Variants in PTPRN2 observed in about 807,000 individuals in gnomAD.
The protein encoded by PTPRN2 is receptor-type tyrosine-protein phosphatase N2.
Under a neutral mutation model 118.8 loss-of-function variants are expected in PTPRN2, and 74 were observed. That is an observed-to-expected ratio of 0.62 (90% CI 0.52 to 0.76). The LOEUF (loss-of-function observed/expected upper bound fraction) is 0.76, where lower values mean the gene tolerates loss of function less well. Ranked by LOEUF, PTPRN2 falls within the 30% of genes least tolerant of loss-of-function variation. The pLI, the probability that PTPRN2 is intolerant of heterozygous loss-of-function variation, is 0.00. For synonymous variants in PTPRN2, 641 were observed against 608.0 expected (o/e 1.05, Z -0.80); for missense variants, 1,481 against 1,394.4 (o/e 1.06, Z -0.99).
At chr7:157,554,692 C>T (rs1169734038) in intron 21 of PTPRN2, among the ~76,000 whole-genome samples, 1 of 152,196 alleles carries the variant, frequency 6.6e-6, no homozygotes. Context: ...GAAAAGCCTG[C>T]AAACAGTCGA....
chr7:158,402,744 T>C (rs1813047018), intron 2 of PTPRN2, among the ~76,000 whole-genome samples: 1 of 152,116 alleles, frequency 6.6e-6, no homozygotes, highest in Non-Finnish European at 1.5e-5. Flanking sequence ...CCTAGAGGGA[T>C]CCAAGGGCCA....
intron 3 of PTPRN2, among the ~76,000 whole-genome samples, chr7:158,283,305 G>T (rs1476704779): frequency 1.3e-5 from 2 of 152,224 alleles, no homozygotes; most frequent in African/African-American, 4.8e-5. Flanking sequence ...CAGCTCCCCA[G>T]ACCCCCAAGA....
chr7:158,098,842 G>C (rs1210061509), intron 10 of PTPRN2, among the ~76,000 whole-genome samples: 1 of 152,004 alleles, frequency 6.6e-6, no homozygotes, highest in Admixed American at 6.5e-5. Context: ...TGGGGGACGG[G>C]GAACGGGGCC....
intron 12 of PTPRN2, among the ~76,000 whole-genome samples, chr7:157,766,353 T>TA (rs57202938): frequency 0.16 from 23,970 of 150,558 alleles, 2,529 homozygotes; most frequent in African/African-American, 0.28. Flanking sequence ...CCATCCATCA[T>TA]CCATCTACCC....
chr7:158,329,332 C>G (rs1009440490), intron 2 of PTPRN2, among the ~76,000 whole-genome samples: 1 of 152,318 alleles, frequency 6.6e-6, no homozygotes, highest in South Asian at 2.1e-4. Context: ...CCAGCACTTC[C>G]CAGCCTTTTA....
intron 1 of PTPRN2, among the ~76,000 whole-genome samples, chr7:158,572,368 C>T (rs1828088283): frequency 6.6e-6 from 1 of 152,202 alleles, no homozygotes; most frequent in South Asian, 2.1e-4. Context: ...GTTATGCTAC[C>T]TCCTCCAGAG....
chr7:157,578,929 G>C (rs1455547719), intron 17 of PTPRN2, among the ~76,000 whole-genome samples: 1 of 152,194 alleles, frequency 6.6e-6, no homozygotes, highest in Non-Finnish European at 1.5e-5. Context: ...GAGTGAAGAG[G>C]GGTCTGCTTT....
At chr7:157,882,275 G>C (rs748414021) in intron 12 of PTPRN2, among the ~76,000 whole-genome samples, 1 of 151,474 alleles carries the variant, frequency 6.6e-6, no homozygotes, top group Non-Finnish European at 1.5e-5. Flanking sequence ...AAAAATGACT[G>C]TCAGAGATCA....
intron 11 of PTPRN2, among the ~76,000 whole-genome samples, chr7:158,013,734 T>TCCCCCCCCCCCCCCCCCC (rs1806219777): frequency 1.3e-5 from 1 of 75,208 alleles, no homozygotes. Flanking sequence ...CACCCACTCA[T>TCCCCCCCCCCCCCCCCCC]CCACCCACCC....
chr7:157,960,222 G>C (rs1387004971), intron 11 of PTPRN2, among the ~76,000 whole-genome samples: 1 of 152,184 alleles, frequency 6.6e-6, no homozygotes, highest in Non-Finnish European at 1.5e-5. Context: ...GTTTCAGTTT[G>C]AGAAAATGAA....
At position 157,964,204 on chromosome 7, in the gene PTPRN2, C is replaced by T. The variant is rs897840662; in HGVS notation, c.1724-65467G>A. 3.3e-5 allele frequency among the ~76,000 whole-genome samples: 5 copies of T among 152,168 alleles called. No individual in the cohort carries two copies. Among genetic ancestry groups the T allele is most frequent in the East Asian group, 1.9e-4 (1 of 5,156 alleles). ...TGTTGAGTTCTGGTCCTGGTCCCAC[C>T]GACCTGGGCTGGAGCTCCCAGATGC... is the stretch of plus-strand genomic sequence containing the variant. On this transcript the variant is annotated intron_variant, in intron 11 of 22. Transcript: ENST00000389418. This position sits in a 1 kb window ranked among gnomAD's most constrained non-coding sequence, Gnocchi z 9.0.
chr7:158,278,244 C>T (rs1323602453), intron 3 of PTPRN2, among the ~76,000 whole-genome samples: 1 of 152,108 alleles, frequency 6.6e-6, no homozygotes, highest in African/African-American at 2.4e-5. Flanking sequence ...GCAGGGACCA[C>T]CCACCACCTG....
chr7:158,356,799 A>AG (rs397731775), intron 2 of PTPRN2, among the ~76,000 whole-genome samples: 1 of 151,698 alleles, frequency 6.6e-6, no homozygotes, highest in Non-Finnish European at 1.5e-5. Context: ...AAAAAAAAAA[A>AG]GTAGAAATAA....
intron 3 of PTPRN2, among the ~76,000 whole-genome samples, chr7:158,239,359 G>GCCCGGAGCTGGTAT (rs991193458): frequency 1.3e-5 from 2 of 152,184 alleles, no homozygotes; most frequent in East Asian, 1.9e-4. Context: ...CCAGCAAGGA[G>GCCCGGAGCTGGTAT]CCCGGAGCTG....
intron 12 of PTPRN2, among the ~76,000 whole-genome samples, chr7:157,791,461 G>GC (rs1668133324): frequency 6.6e-6 from 1 of 152,218 alleles, no homozygotes; most frequent in African/African-American, 2.4e-5. Context: ...GCAGGCGGAT[G>GC]CATGTATGTG....
At chr7:158,290,798 G>A (rs1800073355) in intron 3 of PTPRN2, among the ~76,000 whole-genome samples, 1 of 152,146 alleles carries the variant, frequency 6.6e-6, no homozygotes, top group Non-Finnish European at 1.5e-5. Flanking sequence ...CTCTCACCTG[G>A]TTTCCTTAGC....
chr7:158,566,459 C>T (rs1463895115), intron 1 of PTPRN2, among the ~76,000 whole-genome samples: 1 of 152,198 alleles, frequency 6.6e-6, no homozygotes, highest in African/African-American at 2.4e-5. Context: ...GGGAAACAGG[C>T]CCCATAGCGG....
At chr7:158,063,520 T>A (rs538382583) in intron 11 of PTPRN2, among the ~76,000 whole-genome samples, 1 of 152,320 alleles carries the variant, frequency 6.6e-6, no homozygotes, top group African/African-American at 2.4e-5. Context: ...GGCAACCCAC[T>A]TGGGTCCCCT....
chr7:157,811,164 G>A (rs1000559185), intron 12 of PTPRN2, among the ~76,000 whole-genome samples: 12 of 151,244 alleles, frequency 7.9e-5, no homozygotes, highest in East Asian at 3.9e-4. Context: ...CCAGCTACTC[G>A]GGAGGCTGAG....
Sources: gnomAD v4.1 joint callset for allele counts (sites outside exome capture counted in the v4.1 genomes callset) on GRCh38, gnomAD v4.1.1 for gene constraint, Gnocchi (gnomAD v3.1) non-coding constraint, MANE v1.5 for transcripts, NCBI Gene and HGNC (gene_info 2026-07-23, HGNC 2026-07-21) for gene names.